Variants in PTX4 observed in about 807,000 individuals in gnomAD.
PTX4 encodes pentraxin-4.
Under a neutral mutation model 19.1 loss-of-function variants are expected in PTX4, and 23 were observed. That is an observed-to-expected ratio of 1.20 (90% CI 0.87 to 1.70). The LOEUF is 1.70. PTX4 is among the 40% of genes most tolerant of loss of function. The probability of loss-of-function intolerance (pLI) is 0.00; values close to 1 mark genes in which losing one functional copy is unlikely to be tolerated. For missense variants in PTX4, 678 were observed against 610.5 expected (o/e 1.11, Z -1.17); for synonymous variants, 317 against 279.6 (o/e 1.13, Z -1.33).
rs1282058926 is a variant in PTX4, at chr16:1,488,808, C to T, written c.102G>A (p.Arg34=). Residue 34 remains arginine, a synonymous_variant, in exon 1 of 3, where the codon AGG becomes AGA. Transcript: ENST00000447419. ...TACGGAGCCTCTCGAAAAACGGTTTCCTGGGCCCCACTGGGGCGGCTTCCT... is the reference window on the plus strand; with the variant it reads ...TACGGAGCCTCTCGAAAAACGGTTTTCTGGGCCCCACTGGGGCGGCTTCCT... The part of the protein sequence containing the change: ...SSQEAAPVGP[R]KPFFERLRRL... 4.3e-6 allele frequency: 3 copies of T among 702,404 alleles called. No individual in the cohort carries two copies. The highest frequency in any genetic ancestry group is 7.8e-6 in the Non-Finnish European group (3 of 384,506). 43.5% of individuals were successfully genotyped at this position (702,404 alleles called of 1,614,324 possible). A position where few individuals can be genotyped will look rare whatever the true frequency, so the allele number is the denominator to read the frequency against.
intron 1 of PTX4, chr16:1,488,315 G>A (rs1443147665): frequency 4.4e-5 from 71 of 1,608,500 alleles, no homozygotes; most frequent in Non-Finnish European, 6.0e-5. Flanking sequence ...CCTCATGAGT[G>A]CTTTACGAGG....
In PTX4 at chr16:1,487,740, G is replaced by A. The variant is rs751926427; in HGVS notation, c.372C>T (p.Ala124=). Residue 124 remains alanine, a synonymous_variant, in exon 2 of 3, where the codon GCC becomes GCT. Transcript: ENST00000447419. ...RGRKVDTRLR[A]LDLTLGERSQ... is the part of the protein sequence containing the mutation. ...TCCTCTCGCCCAGGGTGAGGTCCAA[G>A]GCCCGCAGCCGCGTGTCTACTTTCC... 6 of 1,612,550 alleles carry A rather than the reference G, an allele frequency of 3.7e-6. No homozygotes were observed. Among genetic ancestry groups the A allele is most frequent in the Non-Finnish European group, 5.1e-6 (6 of 1,179,672 alleles).
At chr16:1,486,866 C>T (rs1426116174) in intron 2 of PTX4, among the ~76,000 whole-genome samples, 1 of 152,200 alleles carries the variant, frequency 6.6e-6, no homozygotes, top group African/African-American at 2.4e-5. Flanking sequence ...AGCCAGCGCC[C>T]CTCACTGCCA....
rs1165714060 is a variant in PTX4, at chr16:1,488,769, C to A, written c.141G>T (p.Gln47His). ...FFERLRRLEE[Q>H]FRRFQEVTWT... is the part of the protein sequence containing the mutation. ...GCGCCATGTCAGGGGTATAACTTGC[C>A]TGTTCCTCCAGCCTACGGAGCCTCT... The change falls in exon 1 of 3, where the codon CAG becomes CAT. Residue 47 changes from glutamine (Q) to histidine (H), a missense_variant and splice_region_variant. Physicochemically the swap from Gln to His is conservative, Grantham distance 24. Coordinates refer to ENST00000447419, the MANE Select transcript of PTX4 (RefSeq NM_001328608.2). 2.9e-6 allele frequency: 2 copies of A among 696,474 alleles called. No individual in the cohort carries two copies. Among genetic ancestry groups the A allele is most frequent in the East Asian group, 5.4e-5 (2 of 37,174 alleles). 43.1% of individuals were successfully genotyped at this position (696,474 alleles called of 1,614,324 possible).
In PTX4 at chr16:1,488,810, T is replaced by C; in HGVS notation, c.100A>G (p.Arg34Gly). Reference protein sequence around the residue: ...SSQEAAPVGPRKPFFERLRRL... With the variant: ...SSQEAAPVGPGKPFFERLRRL... Reference sequence around the variant, plus strand: ...CGGAGCCTCTCGAAAAACGGTTTCCTGGGCCCCACTGGGGCGGCTTCCTGC... The same window carrying C: ...CGGAGCCTCTCGAAAAACGGTTTCCCGGGCCCCACTGGGGCGGCTTCCTGC... The change falls in exon 1 of 3, where the codon AGG becomes GGG. Residue 34 changes from arginine (R) to glycine (G), a missense_variant. By Grantham distance (125) the Arg-to-Gly change is moderately radical. Coordinates refer to ENST00000447419, the MANE Select transcript of PTX4 (RefSeq NM_001328608.2). 2 of 702,400 alleles carry C rather than the reference T, an allele frequency of 2.8e-6. No individual in the cohort carries two copies. The highest frequency in any genetic ancestry group is 2.7e-5 in the East Asian group (1 of 37,280). 43.5% of individuals were successfully genotyped at this position (702,400 alleles called of 1,614,324 possible). A position where few individuals can be genotyped will look rare whatever the true frequency, so the allele number is the denominator to read the frequency against.
intron 1 of PTX4, chr16:1,488,568 G>T: frequency 9.2e-7 from 1 of 1,084,488 alleles, no homozygotes. Context: ...TGAGGCTTGT[G>T]TCCTGTGTGA....
In PTX4 at chr16:1,486,305, G is replaced by A. The variant is rs375359582; in HGVS notation, c.1071C>T (p.Asp357=). The change falls in exon 3 of 3, where the codon GAC becomes GAT. Residue 357 remains aspartate (D), a synonymous_variant. Transcript: ENST00000447419. The stretch of plus-strand genomic sequence containing the variant: ...TGACACAGATGTGGTGCCACTGGCC[G>A]TCCAGCAGCAGCTGCAAGGGCAGCT... The part of the protein sequence containing the change: ...FRELPLQLLL[D]GQWHHICVIW... The A allele has an allele frequency of 7.7e-5, 125 of 1,613,694 alleles. 1 individual carries two copies. In the East Asian group the frequency reaches 1.2e-3, roughly 16 times the overall value.
intron 2 of PTX4, 79 bp downstream of exon 2, chr16:1,487,237 G>T: frequency 1.5e-6 from 2 of 1,359,694 alleles, no homozygotes; most frequent in Non-Finnish European, 9.6e-7. Context: ...CCTCTTTTGA[G>T]AAGCCTTTTC....
rs767096984 is a variant in PTX4, at chr16:1,486,187, G to A, written c.1189C>T (p.Pro397Ser). The change falls in exon 3 of 3, where the codon CCC becomes TCC. Residue 397 changes from proline to serine, a missense_variant. Physicochemically the swap from Pro to Ser is moderately conservative, Grantham distance 74 (BLOSUM62 -1). Transcript: ENST00000447419. Reference protein sequence around the residue: ...SRFREGYEIPPGGSLVLGQEQ... With the variant: ...SRFREGYEIPSGGSLVLGQEQ... Reference sequence around the variant, plus strand: ...TGGCCCAGCACGAGGGACCCTCCGGGGGGGATCTCATAGCCCTCCCTGAAG... The same window carrying A: ...TGGCCCAGCACGAGGGACCCTCCGGAGGGGATCTCATAGCCCTCCCTGAAG... 2.5e-6 allele frequency: 4 copies of A among 1,613,866 alleles called. No homozygotes were observed. Among genetic ancestry groups the A allele is most frequent in the Non-Finnish European group, 3.4e-6 (4 of 1,179,942 alleles).
Position 1,487,702 on chromosome 16 carries a change from G to T in PTX4, c.410C>A (p.Ala137Asp). ...LTLGERSQQR[A>D]RERKAHKAQR... ...GGCCTTGTGTGCCTTCCTTTCCCGGGCCCGCTGCTGGCTCCTCTCGCCCAG... is the reference window on the plus strand; with the variant it reads ...GGCCTTGTGTGCCTTCCTTTCCCGGTCCCGCTGCTGGCTCCTCTCGCCCAG... The change falls in exon 2 of 3, where the codon GCC becomes GAC. Residue 137 changes from alanine to aspartate, a missense_variant. By Grantham distance (126) the Ala-to-Asp change is moderately radical. Transcript: ENST00000447419. 6.2e-7 allele frequency: 1 copy of T among 1,611,106 alleles called. No individual in the cohort carries two copies. The highest frequency in any genetic ancestry group is 8.5e-7 in the Non-Finnish European group (1 of 1,178,570).
Position 1,488,852 on chromosome 16 carries a change from G to C in PTX4, c.58C>G (p.Leu20Val). Residue 20 changes from leucine to valine, a missense_variant, in exon 1 of 3, where the codon CTA becomes GTA. By Grantham distance (32) the Leu-to-Val change is conservative. Transcript: ENST00000447419. ...SFFLVFVPIY[L>V]HGASSQEAAP... ...GCTTCCTGCGATGAAGCCCCATGTA[G>C]ATATATAGGCACAAAAACAAGGAAG... The C allele has an allele frequency of 1.4e-6, 1 of 702,396 alleles. No homozygotes were observed. Among genetic ancestry groups the C allele is most frequent in the South Asian group, 1.5e-5 (1 of 67,564 alleles). The allele number at this position is 702,396 out of a possible 1,614,324, so 43.5% of individuals were successfully genotyped here. A position where few individuals can be genotyped will look rare whatever the true frequency, so the allele number is the denominator to read the frequency against.
chr16:1,488,475 C>T, intron 1 of PTX4: 1 of 1,611,216 alleles, frequency 6.2e-7, no homozygotes, highest in South Asian at 1.1e-5. Context: ...CATGACACTA[C>T]CCGGCCCCCA....
chr16:1,487,442 G>GC lies in PTX4; in HGVS notation c.669_670insG (p.Gln224AlafsTer99), dbSNP rs1567284368. On this transcript the variant is annotated frameshift_variant, in exon 2 of 3. Coordinates refer to ENST00000447419, the MANE Select transcript of PTX4 (RefSeq NM_001328608.2). LOFTEE classifies it high-confidence loss of function. ...CCTTGGAGAGGGGCCGAGGAGTCCT[G>GC]TGGGGGGCCCCTGTGCTCAGAGGCA... 1 of 1,516,626 alleles carries GC rather than the reference G, an allele frequency of 6.6e-7. No homozygotes were observed. The highest frequency in any genetic ancestry group is 8.8e-7 in the Non-Finnish European group (1 of 1,134,830). The allele number at this position is 1,516,626 out of a possible 1,614,324, so 93.9% of individuals were successfully genotyped here.
chr16:1,487,068 GGCCTCCTCGTCTGTGCATCCC>G (rs2039252380), intron 2 of PTX4, among the ~76,000 whole-genome samples: 1 of 152,126 alleles, frequency 6.6e-6, no homozygotes, highest in African/African-American at 2.4e-5. Context: ...TTCGGCGTGG[GGCCTCCTCGTCTGTGCATCCC>G]GCCACCTCTG....
Position 1,486,344 on chromosome 16 carries a change from G to A in PTX4, c.1032C>T (p.Asp344=), listed in dbSNP as rs765002420. Residue 344 remains aspartate (D), a synonymous_variant, in exon 3 of 3, where the codon GAC becomes GAT. Coordinates refer to ENST00000447419, the MANE Select transcript of PTX4 (RefSeq NM_001328608.2). ...GCAAGGGCAGCTCCCTGAAGGCCGG[G>A]TCCCCGATCACGAAGTGGATGGATC... ...LPGSIHFVIG[D]PAFRELPLQL... 4 of 1,613,750 alleles carry A rather than the reference G, an allele frequency of 2.5e-6. No homozygotes were observed. The African/African-American group carries it at 4.0e-5, about 16-fold the overall frequency.
intron 1 of PTX4, chr16:1,488,501 C>G (rs746074625): frequency 6.3e-7 from 1 of 1,599,020 alleles, no homozygotes; most frequent in South Asian, 1.1e-5. Context: ...CCCAGTTCCC[C>G]TGACTCCCTT....
intron 2 of PTX4, 75 bp downstream of exon 2, chr16:1,487,241 C>G: frequency 7.3e-7 from 1 of 1,375,150 alleles, no homozygotes; most frequent in Non-Finnish European, 9.5e-7. Flanking sequence ...TTTTGAGAAG[C>G]CTTTTCCAGG....
In PTX4 at chr16:1,486,094, C is replaced by T. The variant is rs2039240860; in HGVS notation, c.1282G>A (p.Ala428Thr). 3 of 1,614,202 alleles carry T rather than the reference C, an allele frequency of 1.9e-6. No individual in the cohort carries two copies. Among genetic ancestry groups the T allele is most frequent in the African/African-American group, 2.7e-5 (2 of 75,056 alleles). ...EAFVGSMSGL[A>T]IWDRALVPGE... ...GGAACCAGCGCCCGATCCCAGATAG[C>T]CAAGCCAGACATGCTCCCCACGAAG... Residue 428 changes from alanine to threonine, a missense_variant, in exon 3 of 3, where the codon GCT (alanine) becomes ACT (threonine). Transcript: ENST00000447419.
intron 1 of PTX4, 26 bp downstream of exon 1, chr16:1,488,743 T>C: frequency 6.0e-6 from 4 of 668,698 alleles, no homozygotes; most frequent in Non-Finnish European, 1.1e-5. Flanking sequence ...AAAACCCGAC[T>C]GCGCCATGTC....
Sources: allele counts gnomAD v4.1 joint callset (sites outside exome capture counted in the v4.1 genomes callset), GRCh38; gene constraint gnomAD v4.1.1; transcripts MANE v1.5; gene names NCBI Gene and HGNC (gene_info 2026-07-23, HGNC 2026-07-21).